Variants in DNAAF11 observed in about 807,000 individuals in gnomAD.
DNAAF11 encodes the protein dynein axonemal assembly factor 11.
Under a neutral mutation model 60.8 loss-of-function variants are expected in DNAAF11, and 45 were observed. The observed-to-expected ratio is 0.74, with a 90% confidence interval of 0.58 to 0.95. The LOEUF is 0.95. DNAAF11 is among the 40% of genes least tolerant of loss of function. The pLI is 0.00. For missense variants in DNAAF11, 546 were observed against 546.2 expected (o/e 1.00, Z 0.00); for synonymous variants, 191 against 183.5 (o/e 1.04, Z -0.33).
chr8:132,621,587 CTAAA>C (rs1238541983), intron 7 of DNAAF11, among the ~76,000 whole-genome samples: 1 of 152,080 alleles, frequency 6.6e-6, no homozygotes, highest in Non-Finnish European at 1.5e-5. Flanking sequence ...CTGTTGTAGG[CTAAA>C]TAGAGACCGC....
chr8:132,610,193 C>T lies in DNAAF11; in HGVS notation c.1113G>A (p.Thr371=), dbSNP rs759010061. The T allele has an allele frequency of 3.1e-6, 5 of 1,613,762 alleles. No individual in the cohort carries two copies. In the African/African-American group the frequency reaches 4.0e-5, roughly 13 times the overall value. Residue 371 remains threonine (T), a synonymous_variant, in exon 10 of 12, where the codon ACG becomes ACA. Coordinates refer to ENST00000620350, the MANE Select transcript of DNAAF11 (RefSeq NM_012472.6). ...TGGGCATGCAGATGACCAAATGACC[C>T]GTTGTCTGAGATCTTTTAGCAGAAC... The part of the protein sequence containing the change: ...DSSSAKRSQT[T]GHLVICMPKV...
At chr8:132,590,519 C>G (rs1816356755) in intron 10 of DNAAF11, among the ~76,000 whole-genome samples, 1 of 152,182 alleles carries the variant, frequency 6.6e-6, no homozygotes, top group Admixed American at 6.6e-5. Flanking sequence ...ACAATAAATT[C>G]CCTTATAAAT....
At chr8:132,666,384 C>T (rs1824629470) in intron 1 of DNAAF11, among the ~76,000 whole-genome samples, 1 of 152,042 alleles carries the variant, frequency 6.6e-6, no homozygotes, top group Admixed American at 6.6e-5. Flanking sequence ...TGTATTGAAA[C>T]ATCACTATGT....
chr8:132,623,239 C>T (rs1051721926), intron 6 of DNAAF11, among the ~76,000 whole-genome samples: 7 of 152,116 alleles, frequency 4.6e-5, no homozygotes, highest in African/African-American at 1.7e-4. Flanking sequence ...ATCAACTGTG[C>T]TTCATTCATG....
Position 132,615,026 on chromosome 8 carries a change from A to C in DNAAF11, c.974+12T>G, listed in dbSNP as rs1308370622. ...GAAATGTCATAAATAAATACGTAGAAAATGTCTTTACCTATAGACAGCAAG... is the reference window on the plus strand; with the variant it reads ...GAAATGTCATAAATAAATACGTAGACAATGTCTTTACCTATAGACAGCAAG... On this transcript the variant is annotated intron_variant, in intron 8 of 11. Transcript: ENST00000620350. 5.8e-6 allele frequency: 9 copies of C among 1,539,574 alleles called. No individual in the cohort carries two copies. In the Admixed American group the frequency reaches 1.4e-4, roughly 25 times the overall value.
intron 1 of DNAAF11, among the ~76,000 whole-genome samples, chr8:132,671,450 T>C (rs1825179825): frequency 6.6e-6 from 1 of 152,196 alleles, no homozygotes; most frequent in African/African-American, 2.4e-5. Flanking sequence ...AAGATACTCA[T>C]TCTCCCCAAA....
At chr8:132,592,893 T>C (rs974961291) in intron 10 of DNAAF11, among the ~76,000 whole-genome samples, 2 of 151,888 alleles carry the variant, frequency 1.3e-5, no homozygotes, top group Admixed American at 1.3e-4. Flanking sequence ...TTGGGAGGTA[T>C]AGTAAGTTTG....
At chr8:132,658,408 C>T (rs911875534) in intron 2 of DNAAF11, among the ~76,000 whole-genome samples, 26 of 152,066 alleles carry the variant, frequency 1.7e-4, no homozygotes, top group Non-Finnish European at 2.9e-4. Context: ...CTGCAAGCTC[C>T]GCCTCCCGGG....
chr8:132,644,587 G>A (rs1297087886), intron 3 of DNAAF11, among the ~76,000 whole-genome samples: 2 of 152,156 alleles, frequency 1.3e-5, no homozygotes, highest in Admixed American at 1.3e-4. Flanking sequence ...TCCTAGGCAA[G>A]GGAAGCCATG....
At chr8:132,698,332 A>G in the DNAAF11 span, among the ~76,000 whole-genome samples, 1 of 152,078 alleles carries the variant, frequency 6.6e-6, no homozygotes, top group Non-Finnish European at 1.5e-5. Context: ...AAAACCACAC[A>G]GCACTACAAG....
intron 3 of DNAAF11, among the ~76,000 whole-genome samples, chr8:132,644,581 A>G (rs149584477): frequency 1.7e-3 from 266 of 152,234 alleles, no homozygotes; most frequent in Non-Finnish European, 3.3e-3. Context: ...TCCCTTTCCT[A>G]GGCAAGGGAA....
At chr8:132,688,386 G>A in the DNAAF11 span, among the ~76,000 whole-genome samples, 5 of 152,154 alleles carry the variant, frequency 3.3e-5, no homozygotes, top group South Asian at 2.1e-4. Context: ...GAATTTTCAC[G>A]AAGGAGCTTT....
At chr8:132,695,888 G>C in the DNAAF11 span, among the ~76,000 whole-genome samples, 21 of 152,296 alleles carry the variant, frequency 1.4e-4, 2 homozygotes, top group African/African-American at 5.1e-4. Context: ...ACAGCACATG[G>C]AATCTAAGCT....
chr8:132,639,052 G>A (rs955201077), intron 3 of DNAAF11, among the ~76,000 whole-genome samples: 2 of 152,160 alleles, frequency 1.3e-5, no homozygotes, highest in Non-Finnish European at 2.9e-5. Context: ...CATGTAAAGC[G>A]CTTAGCATAA....
chr8:132,652,023 G>C (rs1437591110), intron 3 of DNAAF11, among the ~76,000 whole-genome samples: 1 of 152,174 alleles, frequency 6.6e-6, no homozygotes, highest in Non-Finnish European at 1.5e-5. Flanking sequence ...TGTTATTAAA[G>C]AATCTTAATA....
At chr8:132,640,683 A>G (rs565626653) in intron 3 of DNAAF11, among the ~76,000 whole-genome samples, 11 of 152,164 alleles carry the variant, frequency 7.2e-5, no homozygotes, top group Admixed American at 1.3e-4. Context: ...ATTTTATCAT[A>G]TATTTCCTGT....
At chr8:132,653,361 A>C (rs1436331057) in intron 3 of DNAAF11, among the ~76,000 whole-genome samples, 2 of 152,196 alleles carry the variant, frequency 1.3e-5, no homozygotes, top group African/African-American at 4.8e-5. Context: ...GTTTTTCACT[A>C]ACAGATCTAT....
At chr8:132,628,194 A>C (rs1282038011) in intron 5 of DNAAF11, among the ~76,000 whole-genome samples, 1 of 152,150 alleles carries the variant, frequency 6.6e-6, no homozygotes, top group African/African-American at 2.4e-5. Flanking sequence ...TGGGCAAATC[A>C]TGAGGTCAGA....
At chr8:132,600,139 G>C (rs1236678065) in intron 10 of DNAAF11, among the ~76,000 whole-genome samples, 1 of 152,104 alleles carries the variant, frequency 6.6e-6, no homozygotes, top group Non-Finnish European at 1.5e-5. Context: ...ACAGATGACA[G>C]AGAGCCAAAT....
Sources: gnomAD v4.1 joint callset for allele counts (sites outside exome capture counted in the v4.1 genomes callset) on GRCh38, gnomAD v4.1.1 for gene constraint, MANE v1.5 for transcripts, NCBI Gene and HGNC (gene_info 2026-07-23, HGNC 2026-07-21) for gene names.